Variants in PCDHGA6 observed in about 807,000 individuals in gnomAD.
PCDHGA6 encodes protocadherin gamma subfamily A, 6, also known as protocadherin gamma-A6.
PCDHGA6 carries 41 observed loss-of-function variants against 60.6 expected under a neutral mutation model. The ratio of observed to expected loss-of-function variants is 0.68; its 90% CI spans 0.53 to 0.88. The LOEUF (loss-of-function observed/expected upper bound fraction) is 0.88, where lower values mean the gene tolerates loss of function less well. Ranked by LOEUF, PCDHGA6 falls within the 40% of genes least tolerant of loss-of-function variation. The pLI is 0.00. For missense variants in PCDHGA6, 1,312 were observed against 1,203.0 expected (o/e 1.09, Z -1.34); for synonymous variants, 594 against 524.4 (o/e 1.13, Z -1.81).
intron 2 of PCDHGA6, among the ~76,000 whole-genome samples, chr5:141,498,795 T>C (rs2099785702): frequency 6.6e-6 from 1 of 152,032 alleles, no homozygotes; most frequent in Admixed American, 6.6e-5. Context: ...TAGCCAGGTG[T>C]GGTGGTGCAC....
intron 1 of PCDHGA6, among the ~76,000 whole-genome samples, chr5:141,460,963 G>A (rs760674165): frequency 3.0e-4 from 27 of 89,804 alleles, no homozygotes; most frequent in Admixed American, 4.3e-4. Context: ...ATATATATAT[G>A]TGTGTGTGTG....
Position 141,489,653 on chromosome 5 carries a change from G to A in PCDHGA6, c.2425-5154G>A, listed in dbSNP as rs752269910. 2.0e-5 allele frequency: 33 copies of A among 1,614,164 alleles called. No individual in the cohort carries two copies. In the East Asian group the frequency reaches 4.9e-4, roughly 24 times the overall value. ...TCTCCTAGCTTTGCCACCCCTGAGC[G>A]AGAGATGCGCATCTCAGAATCAGCA... On this transcript the variant is annotated intron_variant, in intron 1 of 3. Transcript: ENST00000517434. This position sits in a 1 kb window ranked among gnomAD's most constrained non-coding sequence, Gnocchi z 4.5.
intron 2 of PCDHGA6, among the ~76,000 whole-genome samples, chr5:141,500,705 T>A (rs1169100560): frequency 6.6e-6 from 1 of 152,220 alleles, no homozygotes; most frequent in Non-Finnish European, 1.5e-5. Context: ...TTGCAGTGTA[T>A]CATGAGAATT....
Position 141,490,693 on chromosome 5 carries a change from G to A in PCDHGA6, c.2425-4114G>A. On this transcript the variant is annotated intron_variant, in intron 1 of 3. Coordinates refer to ENST00000517434, the MANE Select transcript of PCDHGA6 (RefSeq NM_018919.3). This position sits in a 1 kb window ranked among gnomAD's most constrained non-coding sequence, Gnocchi z 5.4. ...GGCTGCCTCAGATCCAGACACTGGGGATAATGCCCGCCTCACCTACTCCAT... is the reference window on the plus strand; with the variant it reads ...GGCTGCCTCAGATCCAGACACTGGGAATAATGCCCGCCTCACCTACTCCAT... 1.9e-6 allele frequency: 3 copies of A among 1,614,170 alleles called. No homozygotes were observed. Among genetic ancestry groups the A allele is most frequent in the Non-Finnish European group, 2.5e-6 (3 of 1,180,018 alleles).
Position 141,477,286 on chromosome 5 carries a change from A to G in PCDHGA6, c.2425-17521A>G, listed in dbSNP as rs1367207950. 1.9e-6 allele frequency: 3 copies of G among 1,614,194 alleles called. No individual in the cohort carries two copies. Among genetic ancestry groups the G allele is most frequent in the Non-Finnish European group, 8.5e-7 (1 of 1,180,034 alleles). ...GCGAGAACGGGCTGGTGACCTGCGA[A>G]GTTCCACCGGGTCTCCCTTTCAGCC... On this transcript the variant is annotated intron_variant, in intron 1 of 3. Coordinates refer to ENST00000517434, the MANE Select transcript of PCDHGA6 (RefSeq NM_018919.3). The surrounding 1 kb of genome is among the most constrained non-coding windows in gnomAD (Gnocchi z 4.9).
rs201458212 is a variant in PCDHGA6 at position 141,487,439 on chromosome 5, T to A, written c.2425-7368T>A. On this transcript the variant is annotated intron_variant, in intron 1 of 3. Coordinates refer to ENST00000517434, the MANE Select transcript of PCDHGA6 (RefSeq NM_018919.3). The surrounding 1 kb of genome is among the most constrained non-coding windows in gnomAD (Gnocchi z 5.0). ...TGGGATCCTCCGAATCCAGCTAGGG[T>A]CAGATGACCCTATCAAGTTTGTTGA... The A allele has an allele frequency of 1.5e-4, 242 of 1,613,808 alleles. No individual in the cohort carries two copies. Among genetic ancestry groups the A allele is most frequent in the Non-Finnish European group, 1.9e-4 (230 of 1,179,978 alleles).
chr5:141,432,934 G>T lies in PCDHGA6; in HGVS notation c.2424+56427G>T, dbSNP rs377666802. 1.2e-6 allele frequency: 2 copies of T among 1,614,078 alleles called. No individual in the cohort carries two copies. The highest frequency in any genetic ancestry group is 1.3e-5 in the African/African-American group (1 of 74,940). On this transcript the variant is annotated intron_variant, in intron 1 of 3. Coordinates refer to ENST00000517434, the MANE Select transcript of PCDHGA6 (RefSeq NM_018919.3). This position sits in a 1 kb window ranked among gnomAD's most constrained non-coding sequence, Gnocchi z 6.0. ...GGCGCTGGCACAAGTCACGCCTGCT[G>T]CAGGCTTCAGGAGGCGGCTTGACAG...
chr5:141,395,022 G>A lies in PCDHGA6; in HGVS notation c.2424+18515G>A, dbSNP rs2093150969. ...CGGTGGCAGATTGGTAGGCGTGCCT[G>A]CCTCACATTTTGTGGGTGTTGAGGA... On this transcript the variant is annotated intron_variant, in intron 1 of 3. Transcript: ENST00000517434. 1 of 1,614,128 alleles carries A rather than the reference G, an allele frequency of 6.2e-7. No homozygotes were observed. The highest frequency in any genetic ancestry group is 1.3e-5 in the African/African-American group (1 of 75,036).
chr5:141,453,546 C>T lies in PCDHGA6; in HGVS notation c.2425-41261C>T, dbSNP rs116481133. Among the ~76,000 whole-genome samples, 695 of 152,296 alleles carry T rather than the reference C, an allele frequency of 4.6e-3. 4 individuals are homozygous for T. Among genetic ancestry groups the T allele is most frequent in the African/African-American group, 0.015 (634 of 41,558 alleles). On this transcript the variant is annotated intron_variant, in intron 1 of 3. Transcript: ENST00000517434. ...TACCTTCTGCCTCATTCACACCACA[C>T]TCTGTAGATAATCGATTTCATTAGT...
intron 1 of PCDHGA6, among the ~76,000 whole-genome samples, chr5:141,425,386 G>C (rs2096871887): frequency 6.6e-6 from 1 of 152,224 alleles, no homozygotes; most frequent in South Asian, 2.1e-4. Context: ...TTCGGAGGTA[G>C]TGATAAAGTT....
In PCDHGA6 at chr5:141,494,850, G is replaced by C. The variant is rs2099757124; in HGVS notation, c.2468G>C (p.Arg823Thr). 1.2e-6 allele frequency: 2 copies of C among 1,614,124 alleles called. No individual in the cohort carries two copies. The highest frequency in any genetic ancestry group is 1.7e-6 in the Non-Finnish European group (2 of 1,180,018). Reference protein sequence around the residue: ...NTDWRFSQAQRPGTSGSQNGD... With the variant: ...NTDWRFSQAQTPGTSGSQNGD... ...GACTGGCGTTTCTCTCAGGCCCAGA[G>C]ACCCGGCACCAGCGGGTAGGTGACT... is the stretch of plus-strand genomic sequence containing the variant. The change falls in exon 2 of 4, where the codon AGA becomes ACA. Residue 823 changes from arginine to threonine, a missense_variant. Physicochemically the swap from Arg to Thr is moderately conservative, Grantham distance 71. Transcript: ENST00000517434.
chr5:141,376,155 T>C lies in PCDHGA6; in HGVS notation c.2072T>C (p.Leu691Pro). The change falls in exon 1 of 4, where the codon CTG becomes CCG. Residue 691 changes from leucine to proline, a missense_variant. By Grantham distance (98) the Leu-to-Pro change is moderately conservative. Coordinates refer to ENST00000517434, the MANE Select transcript of PCDHGA6 (RefSeq NM_018919.3). ...SAKPNDSDLT[L>P]YLVVAVAAVS... ...AAACCCAACGATTCGGACCTCACTC[T>C]GTACCTGGTGGTGGCGGTGGCCGCG... 1 of 1,614,062 alleles carries C rather than the reference T, an allele frequency of 6.2e-7. No individual in the cohort carries two copies. The highest frequency in any genetic ancestry group is 8.5e-7 in the Non-Finnish European group (1 of 1,179,986).
At position 141,485,100 on chromosome 5, in the gene PCDHGA6, C is replaced by G. The variant is rs900224386; in HGVS notation, c.2425-9707C>G. 1.0e-5 allele frequency: 12 copies of G among 1,148,882 alleles called. No homozygotes were observed. Among genetic ancestry groups the G allele is most frequent in the Non-Finnish European group, 1.4e-5 (11 of 778,894 alleles). 71.2% of individuals were successfully genotyped at this position (1,148,882 alleles called of 1,614,324 possible). On this transcript the variant is annotated intron_variant, in intron 1 of 3. Coordinates refer to ENST00000517434, the MANE Select transcript of PCDHGA6 (RefSeq NM_018919.3). This position sits in a 1 kb window ranked among gnomAD's most constrained non-coding sequence, Gnocchi z 5.7. ...GGGAAAGGGAGATAGGTGTCTCCAG[C>G]TGCTGTGGCTGTTTGGGGCGGGTCG...
intron 1 of PCDHGA6, chr5:141,389,412 G>T (rs1039259671): frequency 5.6e-6 from 9 of 1,613,470 alleles, no homozygotes; most frequent in Non-Finnish European, 7.6e-6. Flanking sequence ...CGCGGAGAGC[G>T]GGGTGGTGTT....
chr5:141,387,207 T>A (rs986621045), intron 1 of PCDHGA6, among the ~76,000 whole-genome samples: 1 of 152,136 alleles, frequency 6.6e-6, no homozygotes, highest in Non-Finnish European at 1.5e-5. Flanking sequence ...TTACTGATAC[T>A]CTCCGGAAAA....
intron 1 of PCDHGA6, among the ~76,000 whole-genome samples, chr5:141,448,434 GA>G (rs1297090877): frequency 1.3e-5 from 2 of 152,050 alleles, no homozygotes; most frequent in South Asian, 4.2e-4. Flanking sequence ...TATATATTGA[GA>G]AGTCTGACTT....
chr5:141,444,920 G>A (rs2098451595), intron 1 of PCDHGA6, among the ~76,000 whole-genome samples: 1 of 152,110 alleles, frequency 6.6e-6, no homozygotes, highest in Non-Finnish European at 1.5e-5. Context: ...ACCTTTATCA[G>A]GGAAAGAGGG....
rs746913952 is a variant in PCDHGA6, at chr5:141,432,898, G to A, written c.2424+56391G>A. The A allele has an allele frequency of 1.2e-6, 2 of 1,614,174 alleles. No homozygotes were observed. Among genetic ancestry groups the A allele is most frequent in the South Asian group, 1.1e-5 (1 of 91,090 alleles). On this transcript the variant is annotated intron_variant, in intron 1 of 3. Transcript: ENST00000517434. This position sits in a 1 kb window ranked among gnomAD's most constrained non-coding sequence, Gnocchi z 6.0. ...TGGCCTTCGTCATCTTGCTGCTGGC[G>A]CTCAGGCTGCGGCGCTGGCACAAGT...
chr5:141,383,817 A>T, intron 1 of PCDHGA6: 1 of 1,613,926 alleles, frequency 6.2e-7, no homozygotes, highest in Non-Finnish European at 8.5e-7. Context: ...CTTTAGAAGG[A>T]TTAGATTATG....
Sources: gnomAD v4.1 joint callset for allele counts (sites outside exome capture counted in the v4.1 genomes callset) on GRCh38, gnomAD v4.1.1 for gene constraint, Gnocchi (gnomAD v3.1) non-coding constraint, MANE v1.5 for transcripts, NCBI Gene and HGNC (gene_info 2026-07-23, HGNC 2026-07-21) for gene names.